Variants in CLEC12A observed in about 807,000 individuals in gnomAD.
The protein encoded by CLEC12A is C-type lectin domain family 12 member A, also known as C-type lectin protein CLL-1.
Under a neutral mutation model 26.5 loss-of-function variants are expected in CLEC12A, and 22 were observed. That is an observed-to-expected ratio of 0.83 (90% CI 0.59 to 1.19). The LOEUF (loss-of-function observed/expected upper bound fraction) is 1.19, where lower values mean the gene tolerates loss of function less well. CLEC12A is among the 50% of genes most tolerant of loss of function. The probability of loss-of-function intolerance (pLI) is 0.00; values close to 1 mark genes in which losing one functional copy is unlikely to be tolerated. For synonymous variants in CLEC12A, 119 were observed against 101.9 expected (o/e 1.17, Z -1.01); for missense variants, 353 against 315.6 (o/e 1.12, Z -0.90).
At chr12:9,972,949 AC>A (rs1173069721) in intron 1 of CLEC12A, among the ~76,000 whole-genome samples, 1 of 151,832 alleles carries the variant, frequency 6.6e-6, no homozygotes, top group African/African-American at 2.4e-5. Context: ...ACCCTTTCCC[AC>A]CTCTTTTCCT....
chr12:10,004,249 C>T, the CLEC12A span, among the ~76,000 whole-genome samples: 1 of 152,230 alleles, frequency 6.6e-6, no homozygotes, highest in Admixed American at 6.5e-5. Context: ...AGCTCAGTGC[C>T]TCCCCGGCCT....
At chr12:9,956,186 G>T (rs1863739143) in intron 1 of CLEC12A, among the ~76,000 whole-genome samples, 1 of 151,964 alleles carries the variant, frequency 6.6e-6, no homozygotes, top group Non-Finnish European at 1.5e-5. Context: ...CTAACCCAGG[G>T]GACTAATCTA....
intron 4 of CLEC12A, chr12:9,991,798 G>A (rs1864900690): frequency 6.6e-6 from 1 of 152,066 alleles, no homozygotes; most frequent in Admixed American, 6.6e-5. Context: ...ATTAACTTAT[G>A]AGCAAGGTAA....
chr12:9,978,004 A>G (rs1459087083), intron 1 of CLEC12A, among the ~76,000 whole-genome samples: 3 of 152,140 alleles, frequency 2.0e-5, no homozygotes, highest in African/African-American at 7.2e-5. Context: ...TTGAACATGT[A>G]GTTCTTTCAG....
intron 1 of CLEC12A, among the ~76,000 whole-genome samples, chr12:9,961,293 C>G (rs1468864479): frequency 6.6e-6 from 1 of 152,144 alleles, no homozygotes; most frequent in Non-Finnish European, 1.5e-5. Context: ...ATGGCCTGAA[C>G]CCATCTCTCA....
chr12:9,962,090 A>G (rs200522037), intron 1 of CLEC12A, among the ~76,000 whole-genome samples: 1 of 152,164 alleles, frequency 6.6e-6, no homozygotes, highest in African/African-American at 2.4e-5. Context: ...AATTGCTACC[A>G]GCAATGTTCT....
At position 9,985,298 on chromosome 12, in the gene CLEC12A, C is replaced by G; in HGVS notation, c.*272C>G. 1 of 401,284 alleles carries G rather than the reference C, an allele frequency of 2.5e-6. No homozygotes were observed. The highest frequency in any genetic ancestry group is 4.4e-6 in the Non-Finnish European group (1 of 229,844). The allele number at this position is 401,284 out of a possible 1,614,324, so 24.9% of individuals were successfully genotyped here. ...GTCCATTCAGATAGTTGTGGGGGGC[C>G]TTCGAATTTTCATTTTCATTTACGT... On this transcript the variant is annotated 3_prime_UTR_variant, in exon 6 of 6. Transcript: ENST00000304361.
intron 1 of CLEC12A, among the ~76,000 whole-genome samples, chr12:9,976,914 C>T (rs1864360318): frequency 6.6e-6 from 1 of 152,166 alleles, no homozygotes; most frequent in Non-Finnish European, 1.5e-5. Flanking sequence ...TGCACAAGTT[C>T]TTTCTTCTCT....
At chr12:9,960,659 C>T (rs999185) in intron 1 of CLEC12A, among the ~76,000 whole-genome samples, 42,648 of 152,060 alleles carry the variant, frequency 0.28, 6,213 homozygotes, top group East Asian at 0.46. Context: ...AGACTGAAAC[C>T]GGCCCCGTTA....
chr12:9,987,199 T>C (rs972246338), downstream of CLEC12A, among the ~76,000 whole-genome samples: 1 of 152,232 alleles, frequency 6.6e-6, no homozygotes, highest in Non-Finnish European at 1.5e-5. Flanking sequence ...TCAGGCATGG[T>C]AGAATCTAGG....
chr12:9,976,045 T>C (rs747846043), intron 1 of CLEC12A, among the ~76,000 whole-genome samples: 1 of 152,176 alleles, frequency 6.6e-6, no homozygotes, highest in Non-Finnish European at 1.5e-5. Flanking sequence ...TCAGAGGATG[T>C]ATGGAAATGC....
chr12:9,984,782 A>T, intron 5 of CLEC12A, 88 bp from the exon 6 acceptor site: 1 of 1,205,740 alleles, frequency 8.3e-7, no homozygotes, highest in Non-Finnish European at 1.1e-6. Flanking sequence ...TAGGGCAATA[A>T]TATCATGTTG....
At chr12:9,953,777 G>A (rs1863691302) in intron 1 of CLEC12A, among the ~76,000 whole-genome samples, 1 of 152,114 alleles carries the variant, frequency 6.6e-6, no homozygotes, top group South Asian at 2.1e-4. Flanking sequence ...AGGCGGGAAA[G>A]GTGGGGAAAA....
chr12:9,976,953 C>G (rs555723810), intron 1 of CLEC12A, among the ~76,000 whole-genome samples: 7 of 152,128 alleles, frequency 4.6e-5, no homozygotes, highest in Non-Finnish European at 7.4e-5. Flanking sequence ...GTGTGCCTTT[C>G]ACCTTCCACC....
At chr12:9,951,478 G>A (rs907027143) in intron 1 of CLEC12A, 15 of 690,890 alleles carry the variant, frequency 2.2e-5, no homozygotes, top group Non-Finnish European at 3.4e-5. Context: ...CACCCTGACT[G>A]TTCCAGTTCA....
chr12:9,960,598 G>C (rs1041841793), intron 1 of CLEC12A, among the ~76,000 whole-genome samples: 1 of 152,136 alleles, frequency 6.6e-6, no homozygotes. Flanking sequence ...GCAGCCAGAA[G>C]GATCAATGAC....
downstream of CLEC12A, chr12:9,997,120 G>C (rs1283018534): frequency 6.2e-7 from 1 of 1,611,550 alleles, no homozygotes; most frequent in Non-Finnish European, 8.5e-7. Context: ...AAATGCTCCA[G>C]GGGTTGGAGA....
At chr12:9,979,663 G>A in intron 3 of CLEC12A, 139 bp downstream of exon 3, 2 of 644,184 alleles carry the variant, frequency 3.1e-6, no homozygotes, top group Non-Finnish European at 5.0e-6. Context: ...GTGGTTGATG[G>A]AGAATTCATT....
downstream of CLEC12A, chr12:9,998,431 T>C (rs1164987750): frequency 2.1e-6 from 3 of 1,413,506 alleles, no homozygotes; most frequent in South Asian, 2.3e-5. Context: ...GGGTTAGCTA[T>C]GGGGAAGGCT....
Sources: allele counts gnomAD v4.1 joint callset (sites outside exome capture counted in the v4.1 genomes callset), GRCh38; gene constraint gnomAD v4.1.1; transcripts MANE v1.5; gene names NCBI Gene and HGNC (gene_info 2026-07-23, HGNC 2026-07-21).